Variants in ADGRG6 observed in about 807,000 individuals in gnomAD.
ADGRG6 encodes G-protein coupled receptor 126.
In ADGRG6, 84 loss-of-function variants were observed where a neutral mutation model predicts 142.4. The ratio of observed to expected loss-of-function variants is 0.59; its 90% confidence interval spans 0.49 to 0.71. The LOEUF is 0.71. Ranked by LOEUF, ADGRG6 falls within the 30% of genes least tolerant of loss-of-function variation. ADGRG6 has a pLI of 0.00. For synonymous variants in ADGRG6, 521 were observed against 520.5 expected, an observed-to-expected ratio of 1.00 and a Z score of -0.01; for missense variants, 1,367 against 1,466.6, an observed-to-expected ratio of 0.93 and a Z score of 1.11.
At position 142,390,331 on chromosome 6, in the gene ADGRG6, G is replaced by T. The variant is rs201905626; in HGVS notation, c.1296G>T (p.Lys432Asn). 1.8e-4 allele frequency: 282 copies of T among 1,591,834 alleles called. No homozygotes were observed. The highest frequency in any genetic ancestry group is 2.3e-4 in the Non-Finnish European group (264 of 1,163,080). Residue 432 changes from lysine (K) to asparagine (N), a missense_variant, in exon 7 of 25, where the codon AAG becomes AAT. Transcript: ENST00000367609. ...LRHPEVKVQS[K>N]VAEWLNSTFQ... Reference sequence around the variant, plus strand: ...ACCCTGAGGTAAAAGTACAGAGCAAGGTGGCAGAATGGGTAAGTGAGCTTG... The same window carrying T: ...ACCCTGAGGTAAAAGTACAGAGCAATGTGGCAGAATGGGTAAGTGAGCTTG...
intron 2 of ADGRG6, among the ~76,000 whole-genome samples, chr6:142,355,922 G>GT (rs929111064): frequency 6.6e-6 from 1 of 152,246 alleles, no homozygotes; most frequent in East Asian, 1.9e-4. Context: ...TTTCAAGCAT[G>GT]TTTTTGCCGC....
Position 142,340,270 on chromosome 6 carries a change from T to A in ADGRG6, c.104-27299T>A, listed in dbSNP as rs543237267. On this transcript the variant is annotated intron_variant, in intron 2 of 24. Coordinates refer to ENST00000367609, the MANE Select transcript of ADGRG6 (RefSeq NM_198569.3). Reference sequence around the variant, plus strand: ...TGGAATGCACATGTATTCTCAAGAATAAATGTCCATTTATAGCAATTTTTA... The same window carrying A: ...TGGAATGCACATGTATTCTCAAGAAAAAATGTCCATTTATAGCAATTTTTA... Among the ~76,000 whole-genome samples the A allele has an allele frequency of 3.9e-5, 6 of 152,270 alleles. No homozygotes were observed. The East Asian group carries it at 1.2e-3, about 29-fold the overall frequency.
At chr6:142,308,714 T>C (rs1777621765) in intron 1 of ADGRG6, among the ~76,000 whole-genome samples, 2 of 151,888 alleles carry the variant, frequency 1.3e-5, no homozygotes, top group East Asian at 3.8e-4. Context: ...ATGGTCCTTT[T>C]TGATGACTGA....
intron 2 of ADGRG6, among the ~76,000 whole-genome samples, chr6:142,315,846 A>G (rs1778029223): frequency 6.6e-6 from 1 of 150,898 alleles, no homozygotes; most frequent in Non-Finnish European, 1.5e-5. Context: ...TAAATAAATA[A>G]ATAAATAAAT....
rs535683583 is a variant in ADGRG6, at chr6:142,351,200, C to T, written c.104-16369C>T. Among the ~76,000 whole-genome samples, 735 of 152,262 alleles carry T rather than the reference C, an allele frequency of 4.8e-3. 9 individuals carry two copies. The highest frequency in any genetic ancestry group is 0.017 in the African/African-American group (697 of 41,544). On this transcript the variant is annotated intron_variant, in intron 2 of 24. Transcript: ENST00000367609. The stretch of plus-strand genomic sequence containing the variant: ...TGAGCCGAGATTGCGCCACTGCACT[C>T]CAGCCTGGGCAACAGAGTGAGACTT...
intron 23 of ADGRG6, chr6:142,437,911 T>G (rs1470523511): frequency 1.3e-5 from 3 of 234,776 alleles, no homozygotes; most frequent in South Asian, 1.6e-4. Flanking sequence ...AAAAAAAAAC[T>G]GAAAAAACCT....
intron 21 of ADGRG6, among the ~76,000 whole-genome samples, chr6:142,418,198 T>A (rs1481837160): frequency 6.7e-6 from 1 of 150,210 alleles, no homozygotes; most frequent in African/African-American, 2.5e-5. Flanking sequence ...CTCGGGAGGC[T>A]GAGGCAGGAG....
At chr6:142,349,727 A>C (rs948527559) in intron 2 of ADGRG6, among the ~76,000 whole-genome samples, 11 of 152,174 alleles carry the variant, frequency 7.2e-5, no homozygotes, top group Non-Finnish European at 1.3e-4. Context: ...AACACACACA[A>C]AAAAAGGTGC....
chr6:142,373,262 C>T (rs891063246), intron 4 of ADGRG6, among the ~76,000 whole-genome samples: 1 of 151,690 alleles, frequency 6.6e-6, no homozygotes, highest in Admixed American at 6.6e-5. Flanking sequence ...AGATTTAGTA[C>T]CAGGATAGGC....
intron 4 of ADGRG6, among the ~76,000 whole-genome samples, chr6:142,371,414 A>G (rs574063005): frequency 7.3e-5 from 11 of 150,100 alleles, no homozygotes; most frequent in Admixed American, 6.7e-4. Context: ...TGGTCCACCT[A>G]TCTCAGCCTC....
chr6:142,409,965 T>C, intron 17 of ADGRG6, 46 bp downstream of exon 17: 1 of 846,380 alleles, frequency 1.2e-6, no homozygotes, highest in Non-Finnish European at 1.9e-6. Flanking sequence ...AACAACTGAA[T>C]TTTAAACATT....
chr6:142,404,101 A>T, intron 14 of ADGRG6, 128 bp downstream of exon 14: 2 of 714,364 alleles, frequency 2.8e-6, no homozygotes, highest in South Asian at 3.1e-5. Context: ...ATGTTGGCTA[A>T]GTTTAACTAG....
rs71643377 is a variant in ADGRG6 at position 142,370,813 on chromosome 6, CTTT to C, written c.1069+35_1069+37del. On this transcript the variant is annotated intron_variant, in intron 4 of 24. Transcript: ENST00000367609. Reference sequence around the variant, plus strand: ...GCTGTGGTGAGTTTGTAGCGTATTCCTTTTTTTTTTTTTTTTTAGCATTATTCT... The same window carrying C: ...GCTGTGGTGAGTTTGTAGCGTATTCCTTTTTTTTTTTTTTAGCATTATTCT... 1.4e-3 allele frequency: 2,047 copies of C among 1,447,766 alleles called. No homozygotes were observed. Among genetic ancestry groups the C allele is most frequent in the African/African-American group, 3.2e-3 (212 of 66,026 alleles). 89.7% of individuals were successfully genotyped at this position (1,447,766 alleles called of 1,614,324 possible).
Position 142,445,438 on chromosome 6 carries a change from T to A in ADGRG6, c.*1923T>A, listed in dbSNP as rs1431311168. ...CCCCCAAAACCTTAGACATTCATAGTAGATTTTAATTAGTTAGCTTTCTAA... is the reference window on the plus strand; with the variant it reads ...CCCCCAAAACCTTAGACATTCATAGAAGATTTTAATTAGTTAGCTTTCTAA... On this transcript the variant is annotated 3_prime_UTR_variant, in exon 25 of 25. Transcript: ENST00000367609. 1 of 152,156 alleles carries A rather than the reference T, an allele frequency of 6.6e-6. No individual in the cohort carries two copies. Among genetic ancestry groups the A allele is most frequent in the Non-Finnish European group, 1.5e-5 (1 of 68,008 alleles). 9.4% of individuals were successfully genotyped at this position (152,156 alleles called of 1,614,324 possible). A position where few individuals can be genotyped will look rare whatever the true frequency, so the allele number is the denominator to read the frequency against.
At chr6:142,304,929 T>C (rs771059345) in intron 1 of ADGRG6, among the ~76,000 whole-genome samples, 4 of 152,152 alleles carry the variant, frequency 2.6e-5, no homozygotes, top group Non-Finnish European at 4.4e-5. Flanking sequence ...CATGTTACTT[T>C]CCATTATAAG....
At chr6:142,302,531 A>ATG (rs1491318368) in intron 1 of ADGRG6, 200 bp downstream of exon 1, 2 of 550,024 alleles carry the variant, frequency 3.6e-6, no homozygotes, top group Non-Finnish European at 3.1e-6. Context: ...GAGTTGTGAC[A>ATG]TGTGTGTGTG....
chr6:142,390,207 A>G, intron 6 of ADGRG6, 51 bp from the exon 7 acceptor site: 1 of 821,128 alleles, frequency 1.2e-6, no homozygotes, highest in Non-Finnish European at 1.9e-6. Flanking sequence ...TTTGATAATT[A>G]TATAACTATA....
In ADGRG6 at chr6:142,443,468, A is replaced by G; in HGVS notation, c.3706A>G (p.Lys1236Glu). 1 of 1,611,938 alleles carries G rather than the reference A, an allele frequency of 6.2e-7. No homozygotes were observed. The highest frequency in any genetic ancestry group is 1.1e-5 in the South Asian group (1 of 90,986). The change falls in exon 25 of 25, where the codon AAA becomes GAA. Residue 1236 changes from lysine (K) to glutamate (E), a missense_variant. Physicochemically the swap from Lys to Glu is moderately conservative, Grantham distance 56 (BLOSUM62 1). Transcript: ENST00000367609. ...CAATGCTCATTCAGACAACTTCTAT[A>G]AAAATATTATCATGTCAGACACCTT... ...YCNAHSDNFY[K>E]NIIMSDTFSH...
chr6:142,402,658 A>G lies in ADGRG6; in HGVS notation c.1783A>G (p.Thr595Ala), dbSNP rs193295605. Residue 595 changes from threonine to alanine, a missense_variant, in exon 13 of 25, where the codon ACT (threonine) becomes GCT (alanine). Coordinates refer to ENST00000367609, the MANE Select transcript of ADGRG6 (RefSeq NM_198569.3). Reference sequence around the variant, plus strand: ...AGTTGCTAACCAGATTTTAAATTTAACTGCTGATGGGCAGAACTTAACCTC... The same window carrying G: ...AGTTGCTAACCAGATTTTAAATTTAGCTGCTGATGGGCAGAACTTAACCTC... Reference protein sequence around the residue: ...NEVANQILNLTADGQNLTSAN... With the variant: ...NEVANQILNLAADGQNLTSAN... 6.4e-4 allele frequency: 1,024 copies of G among 1,606,994 alleles called. 3 individuals carry two copies. Among genetic ancestry groups the G allele is most frequent in the South Asian group, 8.4e-4 (76 of 90,376 alleles).
Sources: allele counts gnomAD v4.1 joint callset (sites outside exome capture counted in the v4.1 genomes callset), GRCh38; gene constraint gnomAD v4.1.1; transcripts MANE v1.5; gene names NCBI Gene and HGNC (gene_info 2026-07-23, HGNC 2026-07-21).